CPLX3: variants seen among roughly 807,000 people sequenced by gnomAD.
The protein encoded by CPLX3 is complexin-3.
Under a neutral mutation model 17.2 loss-of-function variants are expected in CPLX3, and 12 were observed. That is an observed-to-expected ratio of 0.70 (90% confidence interval 0.45 to 1.13). The LOEUF is 1.13. Ranked by LOEUF, CPLX3 falls within the 50% of genes most tolerant of loss-of-function variation. The pLI is 0.00. For synonymous variants in CPLX3, 75 were observed against 79.4 expected, an observed-to-expected ratio of 0.94 and a Z score of 0.29; for missense variants, 172 against 203.2, an observed-to-expected ratio of 0.85 and a Z score of 0.93.
rs936181688 is a variant in CPLX3 at position 74,830,144 on chromosome 15, G to C, written c.267G>C (p.Glu89Asp). 7 of 1,613,610 alleles carry C rather than the reference G, an allele frequency of 4.3e-6. No homozygotes were observed. In the African/African-American group the frequency reaches 5.3e-5, roughly 12 times the overall value. Residue 89 changes from glutamate to aspartate, a missense_variant, in exon 3 of 3, where the codon GAG becomes GAC. Coordinates refer to ENST00000395018, the MANE Select transcript of CPLX3 (RefSeq NM_001030005.3). Reference protein sequence around the residue: ...KYRLPKNETDESQIQMAGGDV... With the variant: ...KYRLPKNETDDSQIQMAGGDV... ...CTTCCCTTCAGAACGAGACAGATGA[G>C]AGCCAGATCCAGATGGCAGGTGGAG...
In CPLX3 at chr15:74,827,006, T is replaced by C. The variant is rs4632113; in HGVS notation, c.164+139T>C. The C allele has an allele frequency of 0.014, 10,057 of 730,816 alleles. 819 individuals carry two copies. In the African/African-American group the frequency reaches 0.17, roughly 13 times the overall value. 45.3% of individuals were successfully genotyped at this position (730,816 alleles called of 1,614,324 possible). On this transcript the variant is annotated intron_variant, in intron 1 of 2. Coordinates refer to ENST00000395018, the MANE Select transcript of CPLX3 (RefSeq NM_001030005.3). ...CACGGTAAGAGACCGGGAGGTGTCCTCTACACTGCCCCCAGACCCATCCTA... is the reference window on the plus strand; with the variant it reads ...CACGGTAAGAGACCGGGAGGTGTCCCCTACACTGCCCCCAGACCCATCCTA...
chr15:74,830,569 A>G lies in CPLX3; in HGVS notation c.*215A>G, dbSNP rs1163087030. 1.8e-6 allele frequency: 1 copy of G among 550,270 alleles called. No individual in the cohort carries two copies. The highest frequency in any genetic ancestry group is 3.3e-6 in the Non-Finnish European group (1 of 306,284). 34.1% of individuals were successfully genotyped at this position (550,270 alleles called of 1,614,324 possible). A position where few individuals can be genotyped will look rare whatever the true frequency, so the allele number is the denominator to read the frequency against. On this transcript the variant is annotated 3_prime_UTR_variant, in exon 3 of 3. Transcript: ENST00000395018. Reference sequence around the variant, plus strand: ...CACTCTACCCTTCAGGACCCTCCCCACCAGCTCAGCCTGTGGAGGCCTCCC... The same window carrying G: ...CACTCTACCCTTCAGGACCCTCCCCGCCAGCTCAGCCTGTGGAGGCCTCCC...
chr15:74,826,925 C>G lies in CPLX3; in HGVS notation c.164+58C>G. The stretch of plus-strand genomic sequence containing the variant: ...TCCCCTCCCCACCCCCACAGCTGCT[C>G]AGTCCATCCCCGGGCCAGCCTCAGG... On this transcript the variant is annotated intron_variant, in intron 1 of 2. Coordinates refer to ENST00000395018, the MANE Select transcript of CPLX3 (RefSeq NM_001030005.3). The surrounding 1 kb of genome is among the most constrained non-coding windows in gnomAD (Gnocchi z 5.0). The G allele has an allele frequency of 6.7e-7, 1 of 1,483,442 alleles. No homozygotes were observed. Among genetic ancestry groups the G allele is most frequent in the South Asian group, 1.2e-5 (1 of 82,840 alleles). The allele number at this position is 1,483,442 out of a possible 1,614,324, so 91.9% of individuals were successfully genotyped here.
intron 2 of CPLX3, 24 bp downstream of exon 2, chr15:74,828,145 C>A (rs2063952360): frequency 6.4e-7 from 1 of 1,553,858 alleles, no homozygotes; most frequent in East Asian, 2.4e-5. Flanking sequence ...GGCTGTGAGG[C>A]ACATCTGGGA....
intron 2 of CPLX3, among the ~76,000 whole-genome samples, chr15:74,829,655 C>G: frequency 6.6e-6 from 1 of 152,132 alleles, no homozygotes; most frequent in East Asian, 1.9e-4. Context: ...TTTTTGGTTA[C>G]ACCCTTAAGC....
In CPLX3 at chr15:74,830,367, G is replaced by A. The variant is rs755073779; in HGVS notation, c.*13G>A. 4 of 1,605,912 alleles carry A rather than the reference G, an allele frequency of 2.5e-6. No homozygotes were observed. Among genetic ancestry groups the A allele is most frequent in the Non-Finnish European group, 3.4e-6 (4 of 1,175,710 alleles). The stretch of plus-strand genomic sequence containing the variant: ...TCACGTCATGTGACCACTTCCCCGG[G>A]GTTACCCACTGGGCTGGGCCCCCAT... On this transcript the variant is annotated 3_prime_UTR_variant, in exon 3 of 3. Coordinates refer to ENST00000395018, the MANE Select transcript of CPLX3 (RefSeq NM_001030005.3).
rs533767406 is a variant in CPLX3 at position 74,830,764 on chromosome 15, G to A, written c.*410G>A. ...ACACACACGAGGCCAGCTCCCTTGC[G>A]TGTCCAGCCCCTCCAGACACCACCA... is the stretch of plus-strand genomic sequence containing the variant. On this transcript the variant is annotated 3_prime_UTR_variant, in exon 3 of 3. Coordinates refer to ENST00000395018, the MANE Select transcript of CPLX3 (RefSeq NM_001030005.3). The A allele has an allele frequency of 4.8e-4, 82 of 170,904 alleles. 1 individual carries two copies. The highest frequency in any genetic ancestry group is 4.0e-3 in the Admixed American group (70 of 17,468). 10.6% of individuals were successfully genotyped at this position (170,904 alleles called of 1,614,324 possible).
chr15:74,828,630 C>T (rs2141120566), intron 2 of CPLX3, among the ~76,000 whole-genome samples: 1 of 152,278 alleles, frequency 6.6e-6, no homozygotes, highest in Non-Finnish European at 1.5e-5. Context: ...CCCACAGCGA[C>T]AAAAGATGAA....
chr15:74,831,426 A>T lies in CPLX3; in HGVS notation c.*1072A>T, dbSNP rs1160009922. The stretch of plus-strand genomic sequence containing the variant: ...TGGGTGAAGGTGGGGTCTGGGGCTT[A>T]TGAAATAGGTCTGGGCTTTGAGGAG... On this transcript the variant is annotated 3_prime_UTR_variant, in exon 3 of 3. Coordinates refer to ENST00000395018, the MANE Select transcript of CPLX3 (RefSeq NM_001030005.3). 1 of 152,300 alleles carries T rather than the reference A, an allele frequency of 6.6e-6. No homozygotes were observed. The highest frequency in any genetic ancestry group is 2.4e-5 in the African/African-American group (1 of 41,398). 9.4% of individuals were successfully genotyped at this position (152,300 alleles called of 1,614,324 possible).
chr15:74,828,098 C>A lies in CPLX3; in HGVS notation c.229C>A (p.Arg77=). ...GCGGGCCACACTGCGGAGCCACTTC[C>A]GAGACAAATACCGGCTACCCAAGGT... ...AERATLRSHF[R]DKYRLPKNET... is the part of the protein sequence containing the mutation. Residue 77 remains arginine, a synonymous_variant, in exon 2 of 3, where the codon CGA becomes AGA. Transcript: ENST00000395018. 6.2e-7 allele frequency: 1 copy of A among 1,601,616 alleles called. No homozygotes were observed. Among genetic ancestry groups the A allele is most frequent in the East Asian group, 2.3e-5 (1 of 44,364 alleles).
chr15:74,828,508 C>T (rs2063953873), intron 2 of CPLX3, among the ~76,000 whole-genome samples: 1 of 152,186 alleles, frequency 6.6e-6, no homozygotes, highest in South Asian at 2.1e-4. Context: ...GGTTTCTGAA[C>T]CTACTGAAGG....
chr15:74,829,157 G>A (rs540072281), intron 2 of CPLX3, among the ~76,000 whole-genome samples: 2 of 152,220 alleles, frequency 1.3e-5, no homozygotes, highest in African/African-American at 4.8e-5. Flanking sequence ...GGAAAAACCG[G>A]TCCAGAAAGC....
chr15:74,829,953 G>C (rs2063960857), intron 2 of CPLX3, among the ~76,000 whole-genome samples, 177 bp from the exon 3 acceptor site: 1 of 151,146 alleles, frequency 6.6e-6, no homozygotes, highest in Non-Finnish European at 1.5e-5. Flanking sequence ...CTTGAGCCCA[G>C]GAGTTTGAGA....
At chr15:74,829,418 T>C (rs546016135) in intron 2 of CPLX3, among the ~76,000 whole-genome samples, 3 of 152,346 alleles carry the variant, frequency 2.0e-5, no homozygotes, top group African/African-American at 7.2e-5. Flanking sequence ...ACATCCTGCC[T>C]GTGTGATCTT....
rs754157844 is a variant in CPLX3, at chr15:74,826,759, G to A, written c.56G>A (p.Ser19Asn). The change falls in exon 1 of 3, where the codon AGC becomes AAC. Residue 19 changes from serine to asparagine, a missense_variant. Physicochemically the swap from Ser to Asn is conservative, Grantham distance 46 (BLOSUM62 1). Coordinates refer to ENST00000395018, the MANE Select transcript of CPLX3 (RefSeq NM_001030005.3). The surrounding 1 kb of genome is among the most constrained non-coding windows in gnomAD (Gnocchi z 5.0). The stretch of plus-strand genomic sequence containing the variant: ...GGCCAGCTGAAGAACCTCACTGGGA[G>A]CCTGGGAGGCGGCGAGGATAAGGGA... ...VGGQLKNLTG[S>N]LGGGEDKGDG... 6.2e-7 allele frequency: 1 copy of A among 1,611,410 alleles called. No individual in the cohort carries two copies. The highest frequency in any genetic ancestry group is 8.5e-7 in the Non-Finnish European group (1 of 1,178,714).
At chr15:74,827,466 A>G (rs1423554039) in intron 1 of CPLX3, among the ~76,000 whole-genome samples, 1 of 152,276 alleles carries the variant, frequency 6.6e-6, no homozygotes, top group African/African-American at 2.4e-5. Context: ...GATGGTAATC[A>G]TAATACATGC....
chr15:74,830,204 C>G lies in CPLX3; in HGVS notation c.327C>G (p.Ile109Met), dbSNP rs367757715. 5 of 1,613,852 alleles carry G rather than the reference C, an allele frequency of 3.1e-6. No homozygotes were observed. The highest frequency in any genetic ancestry group is 2.7e-5 in the African/African-American group (2 of 74,960). ...VELPRELAKM[I>M]EEDTEEEEEK... is the part of the protein sequence containing the mutation. ...TGCCCCGGGAGCTGGCCAAGATGATCGAGGAGGACACAGAGGAGGAGGAGG... is the reference window on the plus strand; with the variant it reads ...TGCCCCGGGAGCTGGCCAAGATGATGGAGGAGGACACAGAGGAGGAGGAGG... The change falls in exon 3 of 3, where the codon ATC (isoleucine) becomes ATG (methionine). Residue 109 changes from isoleucine to methionine, a missense_variant. Transcript: ENST00000395018.
Position 74,830,920 on chromosome 15 carries a change from G to A in CPLX3, c.*566G>A, listed in dbSNP as rs1160414031. 6.5e-6 allele frequency: 1 copy of A among 153,010 alleles called. No homozygotes were observed. The highest frequency in any genetic ancestry group is 2.4e-5 in the African/African-American group (1 of 41,460). The allele number at this position is 153,010 out of a possible 1,614,324, so 9.5% of individuals were successfully genotyped here. A position where few individuals can be genotyped will look rare whatever the true frequency, so the allele number is the denominator to read the frequency against. The stretch of plus-strand genomic sequence containing the variant: ...CCTTATTTCATCATCTGTAAAATGG[G>A]AATGTCCTGAATGACTTCTAAGGCT... On this transcript the variant is annotated 3_prime_UTR_variant, in exon 3 of 3. Coordinates refer to ENST00000395018, the MANE Select transcript of CPLX3 (RefSeq NM_001030005.3).
At chr15:74,828,716 A>ATATTC (rs1430009849) in intron 2 of CPLX3, among the ~76,000 whole-genome samples, 1 of 152,208 alleles carries the variant, frequency 6.6e-6, no homozygotes, top group African/African-American at 2.4e-5. Context: ...ACCAGCCCTC[A>ATATTC]AGCCGGTGAA....
Sources: allele counts gnomAD v4.1 joint callset (sites outside exome capture counted in the v4.1 genomes callset), GRCh38; gene constraint gnomAD v4.1.1; non-coding constraint Gnocchi (gnomAD v3.1); transcripts MANE v1.5; gene names NCBI Gene and HGNC (gene_info 2026-07-23, HGNC 2026-07-21).